SUGP1: variants seen among roughly 807,000 people sequenced by gnomAD.
SUGP1 encodes SURP and G-patch domain containing 1.
A neutral mutation model predicts 76.5 loss-of-function variants in SUGP1; 34 were observed. That is an observed-to-expected ratio of 0.44 (90% CI 0.34 to 0.59). SUGP1 has a LOEUF of 0.59. SUGP1 is among the 20% of genes least tolerant of loss of function. The probability of loss-of-function intolerance (pLI) is 0.01; values close to 1 mark genes in which losing one functional copy is unlikely to be tolerated. For synonymous variants in SUGP1, 326 were observed against 326.2 expected, an observed-to-expected ratio of 1.00 and a Z score of 0.01; for missense variants, 752 against 851.7, an observed-to-expected ratio of 0.88 and a Z score of 1.46.
At chr19:19,298,269 G>A (rs1246124348) in intron 7 of SUGP1, among the ~76,000 whole-genome samples, 5 of 152,140 alleles carry the variant, frequency 3.3e-5, no homozygotes, top group South Asian at 2.1e-4. Context: ...AGGCCGAGGC[G>A]GGCAGATCAC....
intron 1 of SUGP1, among the ~76,000 whole-genome samples, chr19:19,318,517 C>T (rs1284638156): frequency 2.0e-5 from 3 of 151,938 alleles, no homozygotes; most frequent in South Asian, 2.1e-4. Context: ...CATCCTCAAA[C>T]TCCTGGGCTC....
chr19:19,290,473 G>A (rs958600670), intron 8 of SUGP1, among the ~76,000 whole-genome samples: 1 of 151,962 alleles, frequency 6.6e-6, no homozygotes, highest in South Asian at 2.1e-4. Context: ...GCAAAACCCC[G>A]TCTCTACTAA....
At position 19,309,632 on chromosome 19, in the gene SUGP1, C is replaced by T. The variant is rs897314931; in HGVS notation, c.310+465G>A. ...TCCCTACTAAAAAGATACAAAAGGC[C>T]GGGCACAGTGGCTCACGCCTGTAAT... On this transcript the variant is annotated intron_variant, in intron 3 of 13. Transcript: ENST00000247001. Among the ~76,000 whole-genome samples, 30 of 152,146 alleles carry T rather than the reference C, an allele frequency of 2.0e-4. No homozygotes were observed. The South Asian group carries it at 2.3e-3, about 12-fold the overall frequency.
At chr19:19,317,690 A>T (rs947590061) in intron 1 of SUGP1, among the ~76,000 whole-genome samples, 1 of 151,864 alleles carries the variant, frequency 6.6e-6, no homozygotes, top group Admixed American at 6.6e-5. Context: ...GCTAATTTTT[A>T]AATTTTTTCA....
intron 1 of SUGP1, among the ~76,000 whole-genome samples, chr19:19,318,744 C>T (rs1231291919): frequency 3.3e-5 from 5 of 152,076 alleles, no homozygotes; most frequent in Non-Finnish European, 5.9e-5. Context: ...TCCACAGGGT[C>T]GTTTTATTTT....
rs138743124 is a variant in SUGP1 at position 19,280,269 on chromosome 19, G to T, written c.1266C>A (p.Gly422=). 1.6e-5 allele frequency: 26 copies of T among 1,613,798 alleles called. No individual in the cohort carries two copies. In the African/African-American group the frequency reaches 3.1e-4, roughly 19 times the overall value. Residue 422 remains glycine, a synonymous_variant, in exon 9 of 14, where the codon GGC becomes GGA. Transcript: ENST00000247001. ...GACCCACAGGCTTCCCCTTCTCATA[G>T]CCGAGCCCCTTGAGGTCCTGAACTG... ...PLSVQDLKGL[G]YEKGKPVGLV... is the part of the protein sequence containing the mutation.
At position 19,293,509 on chromosome 19, in the gene SUGP1, G is replaced by A. The variant is rs139984486; in HGVS notation, c.1243+3480C>T. The stretch of plus-strand genomic sequence containing the variant: ...TGAGGCAGGAGAATTGCTTGAACCC[G>A]GGAGGCAGAGGTTGCAGTGAGCTGA... On this transcript the variant is annotated intron_variant, in intron 8 of 13. Coordinates refer to ENST00000247001, the MANE Select transcript of SUGP1 (RefSeq NM_172231.4). Among the ~76,000 whole-genome samples the A allele has an allele frequency of 4.5e-3, 677 of 151,946 alleles. 3 individuals carry two copies. Among genetic ancestry groups the A allele is most frequent in the South Asian group, 0.031 (149 of 4,814 alleles).
In SUGP1 at chr19:19,310,091, A is replaced by C. The variant is rs201199167; in HGVS notation, c.310+6T>G. ...CAGCACAAGGAAAGGGGAGGCCTAC[A>C]CTCACCTGTGCTGGTCTGTGCCTTC... On this transcript the variant is annotated splice_donor_region_variant and intron_variant, in intron 3 of 13. Coordinates refer to ENST00000247001, the MANE Select transcript of SUGP1 (RefSeq NM_172231.4). 2 of 1,611,236 alleles carry C rather than the reference A, an allele frequency of 1.2e-6. No individual in the cohort carries two copies. The highest frequency in any genetic ancestry group is 8.5e-7 in the Non-Finnish European group (1 of 1,177,954).
chr19:19,288,497 G>A (rs1599850744), intron 8 of SUGP1, among the ~76,000 whole-genome samples: 1 of 152,170 alleles, frequency 6.6e-6, no homozygotes, highest in South Asian at 2.1e-4. Flanking sequence ...AAGTTTTTGG[G>A]GAGTCAAAAG....
rs752521508 is a variant in SUGP1 at position 19,305,985 on chromosome 19, C to T, written c.402G>A (p.Leu134=). 2 of 1,611,882 alleles carry T rather than the reference C, an allele frequency of 1.2e-6. No individual in the cohort carries two copies. Among genetic ancestry groups the T allele is most frequent in the East Asian group, 2.2e-5 (1 of 44,862 alleles). The part of the protein sequence containing the change: ...RSLLISRRTG[L]GLASLPGPVK... Reference sequence around the variant, plus strand: ...CAGGGCCCGGCAGGCTGGCCAGCCCCAGGCCTGTCCGCCTGCTGATGAGCA... The same window carrying T: ...CAGGGCCCGGCAGGCTGGCCAGCCCTAGGCCTGTCCGCCTGCTGATGAGCA... The change falls in exon 4 of 14, where the codon CTG becomes CTA. Residue 134 remains leucine (L), a synonymous_variant. Transcript: ENST00000247001.
chr19:19,314,265 G>C (rs1391494771), intron 2 of SUGP1, among the ~76,000 whole-genome samples: 2 of 152,076 alleles, frequency 1.3e-5, no homozygotes, highest in African/African-American at 4.8e-5. Flanking sequence ...GGAGGTTGTA[G>C]TGAGCCGAGA....
intron 2 of SUGP1, 33 bp from the exon 3 acceptor site, chr19:19,310,233 C>T (rs984528502): frequency 1.9e-6 from 3 of 1,557,462 alleles, no homozygotes; most frequent in Non-Finnish European, 1.8e-6. Context: ...AGAGGGTGAG[C>T]TGGCTAGAGA....
chr19:19,304,046 A>G (rs2061295501), intron 4 of SUGP1, 199 bp from the exon 5 acceptor site: 1 of 1,560,786 alleles, frequency 6.4e-7, no homozygotes, highest in African/African-American at 1.3e-5. Context: ...GAGACACACT[A>G]GGTGGGAGAG....
At chr19:19,292,651 A>G (rs2061194671) in intron 8 of SUGP1, among the ~76,000 whole-genome samples, 1 of 152,244 alleles carries the variant, frequency 6.6e-6, no homozygotes, top group African/African-American at 2.4e-5. Flanking sequence ...GGCAACAAAG[A>G]GCAAAACTCC....
Position 19,303,832 on chromosome 19 carries a change from C to T in SUGP1, c.554G>A (p.Gly185Glu). 2 of 1,614,140 alleles carry T rather than the reference C, an allele frequency of 1.2e-6. No homozygotes were observed. Among genetic ancestry groups the T allele is most frequent in the African/African-American group, 2.7e-5 (2 of 75,048 alleles). Residue 185 changes from glycine (G) to glutamate (E), a missense_variant, in exon 5 of 14, where the codon GGA (glycine) becomes GAA (glutamate). This residue lies in a region of SUGP1 where 620 missense variants were observed against 617.3 expected (regional missense o/e 1.00). Coordinates refer to ENST00000247001, the MANE Select transcript of SUGP1 (RefSeq NM_172231.4). ...CTCTATCACTTTCCGAGTCTCGGCT[C>T]CCTCTGGGGGTGAAACTTTAAGGAG... ...WLEIKVSPPE[G>E]AETRKVIEKL...
intron 11 of SUGP1, 143 bp from the exon 12 acceptor site, chr19:19,278,022 C>T (rs1439531458): frequency 4.9e-6 from 5 of 1,013,612 alleles, no homozygotes; most frequent in Non-Finnish European, 7.1e-6. Flanking sequence ...TCCTTGAGAA[C>T]AAACAGACCA....
chr19:19,280,301 A>G lies in SUGP1; in HGVS notation c.1244-10T>C, dbSNP rs777732939. ...CCCTTGAGGTCCTGAACTGGAAACC[A>G]AAGACACAGGGTAGTCAGAGCCTGA... is the stretch of plus-strand genomic sequence containing the variant. On this transcript the variant is annotated splice_polypyrimidine_tract_variant and intron_variant, in intron 8 of 13. Coordinates refer to ENST00000247001, the MANE Select transcript of SUGP1 (RefSeq NM_172231.4). 1.9e-6 allele frequency: 3 copies of G among 1,612,824 alleles called. No homozygotes were observed. The highest frequency in any genetic ancestry group is 3.3e-5 in the Admixed American group (2 of 59,994).
Position 19,296,483 on chromosome 19 carries a change from A to T in SUGP1, c.1243+506T>A, listed in dbSNP as rs1599857266. On this transcript the variant is annotated intron_variant, in intron 8 of 13. Transcript: ENST00000247001. Reference sequence around the variant, plus strand: ...AACACAGTAAAACCCCATCTCTATTAAAAAATACAAAAAATTAGGCGGGCA... The same window carrying T: ...AACACAGTAAAACCCCATCTCTATTTAAAAATACAAAAAATTAGGCGGGCA... 1.3e-5 allele frequency among the ~76,000 whole-genome samples: 2 copies of T among 151,948 alleles called. 1 individual carries two copies. The highest frequency in any genetic ancestry group is 2.9e-5 in the Non-Finnish European group (2 of 67,934).
At chr19:19,313,585 T>A (rs763540183) in intron 2 of SUGP1, among the ~76,000 whole-genome samples, 4 of 152,140 alleles carry the variant, frequency 2.6e-5, no homozygotes, top group Non-Finnish European at 5.9e-5. Flanking sequence ...AGTGGACATC[T>A]GTAGTCCCAG....
Sources: allele counts gnomAD v4.1 joint callset (sites outside exome capture counted in the v4.1 genomes callset), GRCh38; gene constraint gnomAD v4.1.1; regional missense constraint gnomAD v4.1.1; transcripts MANE v1.5; gene names NCBI Gene and HGNC (gene_info 2026-07-23, HGNC 2026-07-21).